ARHGEF19: variants seen among roughly 807,000 people sequenced by gnomAD.
ARHGEF19 encodes the protein Rho guanine nucleotide exchange factor 19, also known as Rho guanine nucleotide exchange factor (GEF) 19.
ARHGEF19 carries 92 observed loss-of-function variants against 87.6 expected under a neutral mutation model. The ratio of observed to expected loss-of-function variants is 1.05; its 90% CI spans 0.89 to 1.25. ARHGEF19 has a LOEUF of 1.25. Among genes scored for constraint, ARHGEF19 ranks in the 50% most tolerant of loss-of-function variants. ARHGEF19 has a pLI of 0.00. For missense variants in ARHGEF19, 1,054 were observed against 1,051.8 expected (o/e 1.00, Z -0.03); for synonymous variants, 438 against 446.2 (o/e 0.98, Z 0.23).
chr1:16,211,567 CG>C (rs747734052), intron 1 of ARHGEF19, among the ~76,000 whole-genome samples: 1 of 151,278 alleles, frequency 6.6e-6, no homozygotes, highest in Non-Finnish European at 1.5e-5. Flanking sequence ...GAAGGCTTCC[CG>C]GGGAGATGAA....
At chr1:16,202,714 T>C in intron 12 of ARHGEF19, 140 bp from the exon 13 acceptor site, 1 of 1,113,434 alleles carries the variant, frequency 9.0e-7, no homozygotes, top group Non-Finnish European at 1.3e-6. Context: ...GTCCTGCTTC[T>C]GGATAGGGCA....
At chr1:16,200,743 CAAA>C (rs34127909) in intron 14 of ARHGEF19, among the ~76,000 whole-genome samples, 1 of 142,692 alleles carries the variant, frequency 7.0e-6, no homozygotes, top group African/African-American at 2.6e-5. Flanking sequence ...GACTCTGTCT[CAAA>C]AAAAAAAAGC....
Position 16,208,123 on chromosome 1 carries a change from C to T in ARHGEF19, c.515G>A (p.Ser172Asn), listed in dbSNP as rs1232909276. Residue 172 changes from serine to asparagine, a missense_variant, in exon 3 of 16, where the codon AGC (serine) becomes AAC (asparagine). Coordinates refer to ENST00000270747, the MANE Select transcript of ARHGEF19 (RefSeq NM_153213.5). ...PGQVVQEQAL[S>N]TEEPRVELSG... ...CAACTCCACCCTGGGCTCCTCTGTG[C>T]TCAGGGCCTGCTCTTGCACTACCTG... 1.2e-6 allele frequency: 2 copies of T among 1,613,532 alleles called. No homozygotes were observed. The highest frequency in any genetic ancestry group is 1.6e-4 in the Middle Eastern group (1 of 6,082).
chr1:16,206,771 C>G lies in ARHGEF19; in HGVS notation c.1137+177G>C, dbSNP rs1027015992. Among the ~76,000 whole-genome samples, 6 of 152,074 alleles carry G rather than the reference C, an allele frequency of 3.9e-5. No individual in the cohort carries two copies. The highest frequency in any genetic ancestry group is 4.4e-5 in the Non-Finnish European group (3 of 67,974). On this transcript the variant is annotated intron_variant, in intron 6 of 15. Coordinates refer to ENST00000270747, the MANE Select transcript of ARHGEF19 (RefSeq NM_153213.5). This position sits in a 1 kb window ranked among gnomAD's most constrained non-coding sequence, Gnocchi z 4.6. ...CGCCTCTCGCTCAGCGGCTTGCTGT[C>G]CTCGCTTCCAGACGGCCTCGTGTAG...
chr1:16,211,934 G>A (rs1386970309), intron 1 of ARHGEF19, among the ~76,000 whole-genome samples: 1 of 152,222 alleles, frequency 6.6e-6, no homozygotes, highest in Non-Finnish European at 1.5e-5. Context: ...AAGCTTTGAG[G>A]CCCAGTGTTG....
In ARHGEF19 at chr1:16,205,695, A is replaced by G; in HGVS notation, c.1452-28T>C. The G allele has an allele frequency of 6.3e-7, 1 of 1,585,856 alleles. No individual in the cohort carries two copies. Among genetic ancestry groups the G allele is most frequent in the Non-Finnish European group, 8.6e-7 (1 of 1,167,652 alleles). ...GGAAAATGGGGAGGACTCTGGAATCACAGGTAGGCCTGAATTCCTGGGATC... is the reference window on the plus strand; with the variant it reads ...GGAAAATGGGGAGGACTCTGGAATCGCAGGTAGGCCTGAATTCCTGGGATC... On this transcript the variant is annotated intron_variant, in intron 8 of 15. Coordinates refer to ENST00000270747, the MANE Select transcript of ARHGEF19 (RefSeq NM_153213.5). The surrounding 1 kb of genome is among the most constrained non-coding windows in gnomAD (Gnocchi z 5.8).
At position 16,212,547 on chromosome 1, in the gene ARHGEF19, C is replaced by G. The variant is rs373362079; in HGVS notation, c.-75G>C. On this transcript the variant is annotated 5_prime_UTR_variant, in exon 1 of 16. Transcript: ENST00000270747. ...CAGCTGCCAGCACGGTCCAGGGCTC[C>G]GGGACACCCTGGGGGCTCTGGGGTT... 6.6e-6 allele frequency: 1 copy of G among 152,498 alleles called. No homozygotes were observed. The highest frequency in any genetic ancestry group is 2.4e-5 in the African/African-American group (1 of 41,430). The allele number at this position is 152,498 out of a possible 1,614,324, so 9.4% of individuals were successfully genotyped here.
intron 14 of ARHGEF19, 28 bp downstream of exon 14, chr1:16,201,754 G>A (rs758891803): frequency 1.9e-6 from 3 of 1,609,920 alleles, no homozygotes; most frequent in South Asian, 1.1e-5. Flanking sequence ...CCAGCCCAGG[G>A]ATGTAAGCAG....
Position 16,207,129 on chromosome 1 carries a change from T to C in ARHGEF19, c.956A>G (p.Asp319Gly). Residue 319 changes from aspartate (D) to glycine (G), a missense_variant, in exon 6 of 16, where the codon GAC becomes GGC. Asp to Gly is a moderately conservative substitution (Grantham distance 94). Coordinates refer to ENST00000270747, the MANE Select transcript of ARHGEF19 (RefSeq NM_153213.5). The surrounding 1 kb of genome is among the most constrained non-coding windows in gnomAD (Gnocchi z 4.0). The stretch of plus-strand genomic sequence containing the variant: ...CCCCTCCTCTGCGCCCTCGGCCTCG[T>C]CCCCCGGGCCCTCCTCCTCGCGCTG... ...RQQREEEGPG[D>G]EAEGAEEGPG... is the part of the protein sequence containing the mutation. 6.6e-7 allele frequency: 1 copy of C among 1,521,438 alleles called. No homozygotes were observed. Among genetic ancestry groups the C allele is most frequent in the Non-Finnish European group, 8.8e-7 (1 of 1,138,514 alleles). 94.2% of individuals were successfully genotyped at this position (1,521,438 alleles called of 1,614,324 possible). A position where few individuals can be genotyped will look rare whatever the true frequency, so the allele number is the denominator to read the frequency against.
rs1557538485 is a variant in ARHGEF19 at position 16,202,345 on chromosome 1, C to T, written c.2066+71G>A. 7.3e-6 allele frequency: 6 copies of T among 822,832 alleles called. No individual in the cohort carries two copies. The East Asian group carries it at 1.7e-4, about 23-fold the overall frequency. The allele number at this position is 822,832 out of a possible 1,614,324, so 51.0% of individuals were successfully genotyped here. A position where few individuals can be genotyped will look rare whatever the true frequency, so the allele number is the denominator to read the frequency against. ...GGGTGCCCGCCATGGGGACGGGGTG[C>T]CCATCATGGGGACGGGGTGCCTGTC... On this transcript the variant is annotated intron_variant, in intron 13 of 15. Coordinates refer to ENST00000270747, the MANE Select transcript of ARHGEF19 (RefSeq NM_153213.5).
chr1:16,207,101 C>A lies in ARHGEF19; in HGVS notation c.984G>T (p.Pro328=). ...GGGAGAGGTTGGCCCGCGGCGGCCCCGGCCCCTCCTCTGCGCCCTCGGCCT... is the reference window on the plus strand; with the variant it reads ...GGGAGAGGTTGGCCCGCGGCGGCCCAGGCCCCTCCTCTGCGCCCTCGGCCT... ...GDEAEGAEEG[P]GPPRANLSPS... Residue 328 remains proline (P), a synonymous_variant, in exon 6 of 16, where the codon CCG becomes CCT. Transcript: ENST00000270747. The surrounding 1 kb of genome is among the most constrained non-coding windows in gnomAD (Gnocchi z 4.0). 1.3e-6 allele frequency: 2 copies of A among 1,510,476 alleles called. No individual in the cohort carries two copies. The highest frequency in any genetic ancestry group is 1.5e-5 in the African/African-American group (1 of 68,946). The allele number at this position is 1,510,476 out of a possible 1,614,324, so 93.6% of individuals were successfully genotyped here.
At position 16,206,022 on chromosome 1, in the gene ARHGEF19, C is replaced by T. The variant is rs772652968; in HGVS notation, c.1360G>A (p.Val454Met). The T allele has an allele frequency of 4.9e-5, 78 of 1,600,120 alleles. No individual in the cohort carries two copies. The highest frequency in any genetic ancestry group is 6.6e-5 in the Non-Finnish European group (78 of 1,173,388). Residue 454 changes from valine to methionine, a missense_variant, in exon 8 of 16, where the codon GTG becomes ATG. Transcript: ENST00000270747. The surrounding 1 kb of genome is among the most constrained non-coding windows in gnomAD (Gnocchi z 4.6). ...AAGGCCGGGCAGTGGTCCAGCACCACGTCGCACACGCTGAAGCGCAGCACA... is the reference window on the plus strand; with the variant it reads ...AAGGCCGGGCAGTGGTCCAGCACCATGTCGCACACGCTGAAGCGCAGCACA... ...ADVLRFSVCDVVLDHCPAFRR... is the reference protein window; with the variant it reads ...ADVLRFSVCDMVLDHCPAFRR...
At chr1:16,202,290 T>C (rs1288487544) in intron 13 of ARHGEF19, 126 bp downstream of exon 13, 4 of 1,363,096 alleles carry the variant, frequency 2.9e-6, no homozygotes, top group Non-Finnish European at 4.0e-6. Context: ...AGTTGAGCAC[T>C]TGGGGAGGAA....
At chr1:16,208,267 C>T (rs760583154) in intron 2 of ARHGEF19, 42 bp from the exon 3 acceptor site, 3 of 1,585,290 alleles carry the variant, frequency 1.9e-6, no homozygotes, top group Non-Finnish European at 1.7e-6. Flanking sequence ...GCTGGGGTCT[C>T]CCCCAACCTC....
chr1:16,201,831 C>G lies in ARHGEF19; in HGVS notation c.2097G>C (p.Leu699Phe). Residue 699 changes from leucine (L) to phenylalanine (F), a missense_variant, in exon 14 of 16, where the codon TTG (leucine) becomes TTC (phenylalanine). Coordinates refer to ENST00000270747, the MANE Select transcript of ARHGEF19 (RefSeq NM_153213.5). ...ESEKQRWISA[L>F]CPSSPQEDKE... ...TGTCCTCCTGGGGGCTGGAGGGGCA[C>G]AAGGCTGAGATCCATCGCTGCTTCT... The G allele has an allele frequency of 1.9e-6, 3 of 1,613,906 alleles. No homozygotes were observed. The highest frequency in any genetic ancestry group is 2.5e-6 in the Non-Finnish European group (3 of 1,179,882).
Position 16,205,047 on chromosome 1 carries a change from G to A in ARHGEF19, c.1746+40C>T, listed in dbSNP as rs371697038. On this transcript the variant is annotated intron_variant, in intron 11 of 15. Transcript: ENST00000270747. This position sits in a 1 kb window ranked among gnomAD's most constrained non-coding sequence, Gnocchi z 5.8. ...CCAGGGCAAGGAAGAAACAAGAGCT[G>A]CCCCTTGGGGTCCCCATCCCGCTGG... 4.6e-4 allele frequency: 721 copies of A among 1,570,952 alleles called. 1 individual carries two copies. The highest frequency in any genetic ancestry group is 5.8e-4 in the Non-Finnish European group (668 of 1,157,560).
chr1:16,212,175 C>T (rs2081203755), intron 1 of ARHGEF19, among the ~76,000 whole-genome samples: 1 of 152,216 alleles, frequency 6.6e-6, no homozygotes, highest in African/African-American at 2.4e-5. Flanking sequence ...GCAAGGCTGC[C>T]AGAGAGTCCC....
At chr1:16,204,355 T>G (rs221049) in intron 12 of ARHGEF19, among the ~76,000 whole-genome samples, 37,063 of 152,156 alleles carry the variant, frequency 0.24, 4,868 homozygotes, top group South Asian at 0.39. Flanking sequence ...GAGAAGCCTA[T>G]TTCCCAGGGA....
intron 1 of ARHGEF19, among the ~76,000 whole-genome samples, chr1:16,209,610 A>T (rs191171839): frequency 6.6e-6 from 1 of 152,330 alleles, no homozygotes; most frequent in African/African-American, 2.4e-5. Flanking sequence ...TCACACAGTC[A>T]CAGACACACA....
Sources: allele counts gnomAD v4.1 joint callset (sites outside exome capture counted in the v4.1 genomes callset), GRCh38; gene constraint gnomAD v4.1.1; non-coding constraint Gnocchi (gnomAD v3.1); transcripts MANE v1.5; gene names NCBI Gene and HGNC (gene_info 2026-07-23, HGNC 2026-07-21).